Variants in QRICH2 observed in about 807,000 individuals in gnomAD.
QRICH2 encodes the protein glutamine rich 2.
A neutral mutation model predicts 168.3 loss-of-function variants in QRICH2; 119 were observed. That is an observed-to-expected ratio of 0.71 (90% CI 0.61 to 0.82). QRICH2 has a LOEUF of 0.82. QRICH2 is among the 40% of genes least tolerant of loss of function. The probability of loss-of-function intolerance (pLI) is 0.00; values close to 1 mark genes in which losing one functional copy is unlikely to be tolerated. For missense variants in QRICH2, 2,241 were observed against 2,491.6 expected (o/e 0.90, Z 2.14); for synonymous variants, 894 against 951.2 (o/e 0.94, Z 1.11).
rs752724000 is a variant in QRICH2, at chr17:76,291,221, C to T, written c.3506G>A (p.Ser1169Asn). ...ACTCAGGACTTCACTCGAGACTTCG[C>T]TCCCTTCTGATAAGACTCGGTCGAC... The part of the protein sequence containing the change: ...DSVDRVLSEG[S>N]EVSSEVLSER... Residue 1169 changes from serine (S) to asparagine (N), a missense_variant, in exon 4 of 19, where the codon AGC (serine) becomes AAC (asparagine). Ser to Asn is a conservative substitution (Grantham distance 46, BLOSUM62 1). Around this residue, in one of 3 missense-constraint regions of QRICH2, gnomAD observed 2,047 missense variants for 2,303.8 expected, o/e 0.89. Transcript: ENST00000680821. The T allele has an allele frequency of 2.5e-6, 4 of 1,614,086 alleles. No individual in the cohort carries two copies. The African/African-American group carries it at 5.3e-5, about 22-fold the overall frequency.
intron 3 of QRICH2, among the ~76,000 whole-genome samples, chr17:76,304,092 C>T (rs1003890132): frequency 2.0e-5 from 3 of 152,022 alleles, no homozygotes; most frequent in Non-Finnish European, 4.4e-5. Context: ...AAATTGGGTA[C>T]CAACCATACA....
rs114132180 is a variant in QRICH2, at chr17:76,293,674, T to G, written c.1053A>C (p.Thr351=). The G allele has an allele frequency of 6.5e-4, 1,047 of 1,614,218 alleles. 1 individual carries two copies. The African/African-American group carries it at 0.013, about 20-fold the overall frequency. ...RHRSREKLTS[T]QPRRNARPGP... Reference sequence around the variant, plus strand: ...CAGGACGTGCATTTCTTCTTGGTTGTGTCGAGGTAAGCTTCTCTCTACTCC... The same window carrying G: ...CAGGACGTGCATTTCTTCTTGGTTGGGTCGAGGTAAGCTTCTCTCTACTCC... Residue 351 remains threonine (T), a synonymous_variant, in exon 4 of 19, where the codon ACA becomes ACC. Transcript: ENST00000680821.
In QRICH2 at chr17:76,280,277, C is replaced by G; in HGVS notation, c.4626+10G>C. ...GTGGGATGGAGAGCCCCGCCATGCC[C>G]CTGCCTCACCTTGTTGTCCATCTCT... On this transcript the variant is annotated intron_variant, in intron 11 of 18. Coordinates refer to ENST00000680821, the MANE Select transcript of QRICH2 (RefSeq NM_001388453.1). The surrounding 1 kb of genome is among the most constrained non-coding windows in gnomAD (Gnocchi z 7.4). 7 of 1,613,728 alleles carry G rather than the reference C, an allele frequency of 4.3e-6. No individual in the cohort carries two copies. The highest frequency in any genetic ancestry group is 5.9e-6 in the Non-Finnish European group (7 of 1,179,824).
chr17:76,280,948 C>G lies in QRICH2; in HGVS notation c.4269G>C (p.Glu1423Asp). ...SKKAKLQRQD[E>D]ELLGRVQSAI... ...CACTCTGCACACGGCCCAGCAGCTC[C>G]TCGTCCTGCGGCAGGAGGGATGGGA... The change falls in exon 9 of 19, where the codon GAG becomes GAC. Residue 1423 changes from glutamate to aspartate, a missense_variant. Around this residue, in one of 3 missense-constraint regions of QRICH2, gnomAD observed 2,047 missense variants for 2,303.8 expected, o/e 0.89. Transcript: ENST00000680821. This position sits in a 1 kb window ranked among gnomAD's most constrained non-coding sequence, Gnocchi z 7.4. 1 of 1,609,564 alleles carries G rather than the reference C, an allele frequency of 6.2e-7. No individual in the cohort carries two copies.
rs759810818 is a variant in QRICH2, at chr17:76,291,089, C to A, written c.3638G>T (p.Ser1213Ile). Residue 1213 changes from serine (S) to isoleucine (I), a missense_variant, in exon 4 of 19, where the codon AGT becomes ATT. Transcript: ENST00000680821. ...CTGCTCCTCATCCAGATCCTTCATACTCTCCTTTAGCCCCACATAGAGGCT... is the reference window on the plus strand; with the variant it reads ...CTGCTCCTCATCCAGATCCTTCATAATCTCCTTTAGCCCCACATAGAGGCT... ...LSSLYVGLKE[S>I]MKDLDEEQAG... is the part of the protein sequence containing the mutation. 1.9e-6 allele frequency: 3 copies of A among 1,614,108 alleles called. No homozygotes were observed. Among genetic ancestry groups the A allele is most frequent in the Non-Finnish European group, 2.5e-6 (3 of 1,180,062 alleles).
intron 6 of QRICH2, among the ~76,000 whole-genome samples, 155 bp from the exon 7 acceptor site, chr17:76,287,461 T>A (rs542679578): frequency 6.6e-6 from 1 of 152,264 alleles, no homozygotes; most frequent in East Asian, 1.9e-4. Flanking sequence ...TCCCGGGCTA[T>A]GCCTCTGTCC....
At chr17:76,284,538 G>A (rs1309232021) in intron 7 of QRICH2, among the ~76,000 whole-genome samples, 1 of 147,536 alleles carries the variant, frequency 6.8e-6, no homozygotes, top group Non-Finnish European at 1.5e-5. Flanking sequence ...AAGTATACAG[G>A]CCAGGCGTGG....
chr17:76,279,518 C>CCCA, intron 12 of QRICH2, 90 bp from the exon 13 acceptor site: 1 of 984,338 alleles, frequency 1.0e-6, no homozygotes, highest in South Asian at 1.4e-5. Flanking sequence ...GGAAGCTCAG[C>CCCA]CCACCAGGGT....
intron 18 of QRICH2, among the ~76,000 whole-genome samples, chr17:76,274,842 C>T (rs1413911385): frequency 6.6e-6 from 1 of 152,200 alleles, no homozygotes; most frequent in Non-Finnish European, 1.5e-5. Context: ...CTCTGTGCCT[C>T]AGTTTTCTCA....
chr17:76,281,946 A>G lies in QRICH2; in HGVS notation c.4181T>C (p.Val1394Ala), dbSNP rs747681622. 8.7e-6 allele frequency: 14 copies of G among 1,613,726 alleles called. No homozygotes were observed. The highest frequency in any genetic ancestry group is 1.3e-5 in the African/African-American group (1 of 74,922). Residue 1394 changes from valine to alanine, a missense_variant, in exon 8 of 19, where the codon GTG becomes GCG. Transcript: ENST00000680821. The surrounding 1 kb of genome is among the most constrained non-coding windows in gnomAD (Gnocchi z 4.4). ...LDVSHQVSTL[V>A]RRYEQLQDMV... ...GTCTTGGAGTTGCTCATAGCGCCGC[A>G]CCAGCGTGCTGACCTGATGGCTCAC...
chr17:76,291,425 G>C lies in QRICH2; in HGVS notation c.3302C>G (p.Ser1101Cys), dbSNP rs758147949. ...PDAAQHGHAF[S>C]LFDSHDSMYP... is the part of the protein sequence containing the mutation. ...CATTGAATCATGACTGTCAAAGAGAGAGAAAGCATGGCCATGCTGAGCTGC... is the reference window on the plus strand; with the variant it reads ...CATTGAATCATGACTGTCAAAGAGACAGAAAGCATGGCCATGCTGAGCTGC... The change falls in exon 4 of 19, where the codon TCT becomes TGT. Residue 1101 changes from serine (S) to cysteine (C), a missense_variant. By Grantham distance (112) the Ser-to-Cys change is moderately radical (BLOSUM62 -1). Coordinates refer to ENST00000680821, the MANE Select transcript of QRICH2 (RefSeq NM_001388453.1). 6.2e-7 allele frequency: 1 copy of C among 1,614,142 alleles called. No individual in the cohort carries two copies.
intron 6 of QRICH2, 74 bp from the exon 7 acceptor site, chr17:76,287,380 C>T (rs1008269578): frequency 6.8e-5 from 72 of 1,053,708 alleles, no homozygotes; most frequent in Middle Eastern, 4.0e-4. Context: ...CCATCAGGGA[C>T]GCAGGGGGAT....
chr17:76,276,635 G>C, intron 17 of QRICH2, 45 bp downstream of exon 17: 1 of 1,488,390 alleles, frequency 6.7e-7, no homozygotes, highest in Non-Finnish European at 9.4e-7. Context: ...TGCACGCCCT[G>C]TGGGACCCAC....
chr17:76,304,618 C>A, intron 2 of QRICH2, 93 bp from the exon 3 acceptor site: 1 of 862,696 alleles, frequency 1.2e-6, no homozygotes, highest in South Asian at 1.4e-5. Context: ...CTGGGTGGGT[C>A]CTTCACAGCC....
chr17:76,280,841 T>C lies in QRICH2; in HGVS notation c.4376A>G (p.Lys1459Arg). 6.2e-7 allele frequency: 1 copy of C among 1,613,964 alleles called. No individual in the cohort carries two copies. The highest frequency in any genetic ancestry group is 8.5e-7 in the Non-Finnish European group (1 of 1,179,990). Residue 1459 changes from lysine (K) to arginine (R), a missense_variant, in exon 9 of 19, where the codon AAG becomes AGG. This residue lies in a region of QRICH2 where 2,047 missense variants were observed against 2,303.8 expected (regional missense o/e 0.89). Transcript: ENST00000680821. The surrounding 1 kb of genome is among the most constrained non-coding windows in gnomAD (Gnocchi z 7.4). ...NLIEDHRQKQKDIAMLYQGLE... is the reference protein window; with the variant it reads ...NLIEDHRQKQRDIAMLYQGLE... ...CCTGCGGCCGCTCACAGCAATGTCC[T>C]TCTGTTTCTGCCGATGGTCCTCGAT...
intron 18 of QRICH2, 46 bp from the exon 19 acceptor site, chr17:76,274,306 C>T: frequency 2.6e-6 from 4 of 1,545,552 alleles, no homozygotes; most frequent in South Asian, 1.2e-5. Flanking sequence ...TCCCCAAGCC[C>T]ACCAGGGGTC....
chr17:76,300,161 G>A (rs996626528), intron 3 of QRICH2, among the ~76,000 whole-genome samples: 2 of 152,032 alleles, frequency 1.3e-5, no homozygotes, highest in Admixed American at 6.6e-5. Flanking sequence ...TGCCACTATC[G>A]TACTGTTTTT....
chr17:76,287,153 G>A, intron 7 of QRICH2, 39 bp downstream of exon 7: 1 of 1,442,614 alleles, frequency 6.9e-7, no homozygotes, highest in Non-Finnish European at 9.8e-7. Context: ...TCTGAGAAGG[G>A]CCCTTGGTCC....
chr17:76,286,954 C>T (rs1369639753), intron 7 of QRICH2, among the ~76,000 whole-genome samples: 4 of 151,118 alleles, frequency 2.6e-5, no homozygotes, highest in African/African-American at 7.3e-5. Flanking sequence ...TCCCTTGCCA[C>T]TTGTGGACTC....
Sources: allele counts gnomAD v4.1 joint callset (sites outside exome capture counted in the v4.1 genomes callset), GRCh38; gene constraint gnomAD v4.1.1; regional missense constraint gnomAD v4.1.1; non-coding constraint Gnocchi (gnomAD v3.1); transcripts MANE v1.5; gene names NCBI Gene and HGNC (gene_info 2026-07-23, HGNC 2026-07-21).